PCBP3: variants seen among roughly 807,000 people sequenced by gnomAD.
PCBP3 encodes poly(rC) binding protein 3.
In PCBP3, 25 loss-of-function variants were observed where a neutral mutation model predicts 52.7. The ratio of observed to expected loss-of-function variants is 0.47; its 90% confidence interval spans 0.35 to 0.66. PCBP3 has a LOEUF of 0.66. Among genes scored for constraint, PCBP3 ranks in the 30% least tolerant of loss-of-function variants. The probability of loss-of-function intolerance (pLI) is 0.01; values close to 1 mark genes in which losing one functional copy is unlikely to be tolerated. For missense variants in PCBP3, 391 were observed against 490.3 expected, an observed-to-expected ratio of 0.80 and a Z score of 1.91; for synonymous variants, 162 against 183.0, an observed-to-expected ratio of 0.89 and a Z score of 0.93.
intron 15 of PCBP3, among the ~76,000 whole-genome samples, chr21:45,933,005 C>T (rs566572709): frequency 4.2e-4 from 62 of 147,018 alleles, no homozygotes; most frequent in Non-Finnish European, 5.1e-4. Context: ...ATGAACACAT[C>T]GGCCATGCTG....
rs186536367 is a variant in PCBP3, at chr21:45,648,336, G to T, written c.-279+4468G>T. 6.6e-5 allele frequency among the ~76,000 whole-genome samples: 10 copies of T among 152,320 alleles called. No individual in the cohort carries two copies. In the East Asian group the frequency reaches 1.9e-3, roughly 29 times the overall value. ...ATTGGTTTTAGAAGATAAAATGATG[G>T]AGCTGCCACTTGGGTATAATTCAGC... On this transcript the variant is annotated intron_variant, in intron 1 of 17. Transcript: ENST00000681687.
intron 5 of PCBP3, among the ~76,000 whole-genome samples, chr21:45,889,376 G>A (rs2095599500): frequency 6.6e-6 from 1 of 152,240 alleles, no homozygotes; most frequent in East Asian, 1.9e-4. Flanking sequence ...CTTCTCTACT[G>A]TTCCCCTGAT....
chr21:45,772,257 T>G (rs1217352611), intron 4 of PCBP3, among the ~76,000 whole-genome samples: 1 of 152,178 alleles, frequency 6.6e-6, no homozygotes, highest in Non-Finnish European at 1.5e-5. Flanking sequence ...ATCTTTCCAT[T>G]GTGTACCTCC....
At chr21:45,706,861 G>A (rs1010039718) in intron 2 of PCBP3, among the ~76,000 whole-genome samples, 14 of 152,126 alleles carry the variant, frequency 9.2e-5, no homozygotes, top group African/African-American at 3.1e-4. Flanking sequence ...TAGGAATTAG[G>A]TATTTACTTT....
chr21:45,867,728 G>T (rs1463431790), intron 5 of PCBP3, among the ~76,000 whole-genome samples: 1 of 152,282 alleles, frequency 6.6e-6, no homozygotes, highest in Non-Finnish European at 1.5e-5. Flanking sequence ...ATGAACACAG[G>T]ACAGCAAGTC....
In PCBP3 at chr21:45,920,945, T is replaced by C. The variant is rs183250392; in HGVS notation, c.717+3316T>C. 2.6e-5 allele frequency among the ~76,000 whole-genome samples: 4 copies of C among 152,362 alleles called. No homozygotes were observed. The East Asian group carries it at 7.7e-4, about 29-fold the overall frequency. The stretch of plus-strand genomic sequence containing the variant: ...TGGACTAAGGCGCTTGGTTCTTTAC[T>C]GTGAAGTATCTCTCTGTGGAAGACA... On this transcript the variant is annotated intron_variant, in intron 13 of 17. Coordinates refer to ENST00000681687, the MANE Select transcript of PCBP3 (RefSeq NM_001384156.1).
At chr21:45,663,690 T>G (rs2147122791) in intron 1 of PCBP3, among the ~76,000 whole-genome samples, 1 of 152,306 alleles carries the variant, frequency 6.6e-6, no homozygotes, top group East Asian at 1.9e-4. Flanking sequence ...TCTGTTGGTG[T>G]GTGGCTTTAT....
chr21:45,830,620 A>AC lies in PCBP3; in HGVS notation c.-125-19339dup, dbSNP rs1413546200. On this transcript the variant is annotated intron_variant, in intron 4 of 17. Coordinates refer to ENST00000681687, the MANE Select transcript of PCBP3 (RefSeq NM_001384156.1). The surrounding 1 kb of genome is among the most constrained non-coding windows in gnomAD (Gnocchi z 4.4). The stretch of plus-strand genomic sequence containing the variant: ...AGTGAAGGGAGGGAAGAAAGCCTGG[A>AC]CCAGGAGGACACCAAGGACTGCCCC... 6.6e-6 allele frequency: 1 copy of AC among 152,328 alleles called. No individual in the cohort carries two copies. The highest frequency in any genetic ancestry group is 1.5e-5 in the Non-Finnish European group (1 of 68,166). The allele number at this position is 152,328 out of a possible 1,614,324, so 9.4% of individuals were successfully genotyped here.
At chr21:45,792,832 G>A (rs1484739677) in intron 4 of PCBP3, among the ~76,000 whole-genome samples, 1 of 152,194 alleles carries the variant, frequency 6.6e-6, no homozygotes, top group East Asian at 1.9e-4. Context: ...GCAGAGCCAG[G>A]TATCCCCCTC....
rs1284851840 is a variant in PCBP3, at chr21:45,777,654, T to C, written c.-126+22202T>C. On this transcript the variant is annotated intron_variant, in intron 4 of 17. Transcript: ENST00000681687. ...TGACTGGATTATTTCCAAGGACTTG[T>C]CTTCAAGTACAGAGATTCTTTCTTC... Among the ~76,000 whole-genome samples, 3 of 152,306 alleles carry C rather than the reference T, an allele frequency of 2.0e-5. No homozygotes were observed. In the East Asian group the frequency reaches 5.8e-4, roughly 29 times the overall value.
At position 45,909,400 on chromosome 21, in the gene PCBP3, C is replaced by T. The variant is rs1464183623; in HGVS notation, c.385C>T (p.Pro129Ser). 1 of 1,613,376 alleles carries T rather than the reference C, an allele frequency of 6.2e-7. No individual in the cohort carries two copies. Among genetic ancestry groups the T allele is most frequent in the South Asian group, 1.1e-5 (1 of 91,076 alleles). The change falls in exon 10 of 18, where the codon CCA (proline) becomes TCA (serine). Residue 129 changes from proline to serine, a missense_variant. By Grantham distance (74) the Pro-to-Ser change is moderately conservative. Coordinates refer to ENST00000681687, the MANE Select transcript of PCBP3 (RefSeq NM_001384156.1). ...MSNSPATSKP[P>S]VTLRLVVPAS... ...CAACAGCCCTGCCACCAGCAAGCCCCCAGTGACGCTGAGGCTGGTGGTGCC... is the reference window on the plus strand; with the variant it reads ...CAACAGCCCTGCCACCAGCAAGCCCTCAGTGACGCTGAGGCTGGTGGTGCC...
chr21:45,738,476 G>A (rs1050121315), intron 3 of PCBP3, among the ~76,000 whole-genome samples: 3 of 151,646 alleles, frequency 2.0e-5, no homozygotes, highest in African/African-American at 7.3e-5. Context: ...GGATGGTCTC[G>A]ATCTCCTGAC....
intron 5 of PCBP3, among the ~76,000 whole-genome samples, chr21:45,868,570 G>T (rs1261968340): frequency 2.6e-5 from 4 of 152,184 alleles, no homozygotes; most frequent in Admixed American, 6.5e-5. Flanking sequence ...AGGAATCCAC[G>T]TGGGTCTCGG....
At chr21:45,803,321 A>G (rs1441905434) in intron 4 of PCBP3, among the ~76,000 whole-genome samples, 2 of 152,192 alleles carry the variant, frequency 1.3e-5, no homozygotes, top group African/African-American at 4.8e-5. Context: ...CACCCCCAGA[A>G]TGGTTTGGTC....
At chr21:45,803,663 C>T (rs538913624) in intron 4 of PCBP3, among the ~76,000 whole-genome samples, 1 of 152,290 alleles carries the variant, frequency 6.6e-6, no homozygotes, top group African/African-American at 2.4e-5. Context: ...GCTCTGATGC[C>T]CACCCCAGGG....
At chr21:45,845,885 T>C (rs934120788) in intron 4 of PCBP3, among the ~76,000 whole-genome samples, 5 of 152,340 alleles carry the variant, frequency 3.3e-5, no homozygotes, top group East Asian at 1.9e-4. Flanking sequence ...GTTAAAGCCA[T>C]TGCTCTGCTG....
In PCBP3 at chr21:45,662,596, A is replaced by G. The variant is rs185127292; in HGVS notation, c.-278-6278A>G. Among the ~76,000 whole-genome samples, 157 of 152,202 alleles carry G rather than the reference A, an allele frequency of 1.0e-3. 2 individuals are homozygous for G. Among genetic ancestry groups the G allele is most frequent in the Non-Finnish European group, 2.5e-4 (17 of 68,018 alleles). On this transcript the variant is annotated intron_variant, in intron 1 of 17. Coordinates refer to ENST00000681687, the MANE Select transcript of PCBP3 (RefSeq NM_001384156.1). ...GAGTTATACTAGATATAGATCATAGATATGATTATATGTAAGTATCACTAA... is the reference window on the plus strand; with the variant it reads ...GAGTTATACTAGATATAGATCATAGGTATGATTATATGTAAGTATCACTAA...
chr21:45,813,590 C>T (rs761830083), intron 4 of PCBP3, among the ~76,000 whole-genome samples: 13 of 152,142 alleles, frequency 8.5e-5, no homozygotes, highest in East Asian at 1.9e-4. Context: ...TACAGGCATG[C>T]GCCACAACGC....
At position 45,666,945 on chromosome 21, in the gene PCBP3, A is replaced by G. The variant is rs535154316; in HGVS notation, c.-278-1929A>G. Reference sequence around the variant, plus strand: ...TGGATGTCTTTGAGTTTATCCTTGAAGCTTATTGAGGTTATTGAATGTATA... The same window carrying G: ...TGGATGTCTTTGAGTTTATCCTTGAGGCTTATTGAGGTTATTGAATGTATA... On this transcript the variant is annotated intron_variant, in intron 1 of 17. Transcript: ENST00000681687. 2.0e-5 allele frequency among the ~76,000 whole-genome samples: 3 copies of G among 152,094 alleles called. No homozygotes were observed. In the South Asian group the frequency reaches 6.2e-4, roughly 32 times the overall value.
Sources: allele counts gnomAD v4.1 joint callset (sites outside exome capture counted in the v4.1 genomes callset), GRCh38; gene constraint gnomAD v4.1.1; non-coding constraint Gnocchi (gnomAD v3.1); transcripts MANE v1.5; gene names NCBI Gene and HGNC (gene_info 2026-07-23, HGNC 2026-07-21).